Variants in AARS1 observed in about 807,000 individuals in gnomAD.
AARS1 encodes the protein alanyl-tRNA synthetase 1.
AARS1 carries 72 observed loss-of-function variants against 108.9 expected under a neutral mutation model. That is an observed-to-expected ratio of 0.66 (90% CI 0.55 to 0.80). The LOEUF is 0.80. AARS1 is among the 30% of genes least tolerant of loss of function. The pLI, the probability that AARS1 is intolerant of heterozygous loss-of-function variation, is 0.00. For synonymous variants in AARS1, 489 were observed against 465.7 expected (o/e 1.05, Z -0.64); for missense variants, 1,193 against 1,233.2 (o/e 0.97, Z 0.49).
At chr16:70,283,373 GCGACAGAGAGAGACTCCGTCTCA>G (rs1960754185) in intron 1 of AARS1, among the ~76,000 whole-genome samples, 1 of 151,540 alleles carries the variant, frequency 6.6e-6, no homozygotes, top group South Asian at 2.1e-4. Flanking sequence ...CTCCAGCCTG[GCGACAGAGAGAGACTCCGTCTCA>G]AAAAAACAAA....
intron 1 of AARS1, among the ~76,000 whole-genome samples, chr16:70,288,272 C>T (rs1272006944): frequency 1.3e-5 from 2 of 151,304 alleles, no homozygotes; most frequent in East Asian, 2.0e-4. Context: ...TCACCACGCC[C>T]GGCTATTTTT....
At position 70,262,996 on chromosome 16, in the gene AARS1, A is replaced by AAAAAAAC. The variant is rs1555540563; in HGVS notation, c.1493-473_1493-472insGTTTTTT. The stretch of plus-strand genomic sequence containing the variant: ...AAAAAAAAAAAAAAAAAAAAAAAAA[A>AAAAAAAC]AACAACAACAACAAAGGGCTTCGCA... On this transcript the variant is annotated intron_variant, in intron 11 of 20. Coordinates refer to ENST00000261772, the MANE Select transcript of AARS1 (RefSeq NM_001605.3). 1.5e-3 allele frequency among the ~76,000 whole-genome samples: 195 copies of AAAAAAAC among 129,056 alleles called. 1 individual carries two copies. The highest frequency in any genetic ancestry group is 2.1e-3 in the Non-Finnish European group (136 of 63,452). The allele number at this position is 129,056 out of a possible 152,430, so 84.7% of individuals were successfully genotyped here.
intron 1 of AARS1, among the ~76,000 whole-genome samples, chr16:70,288,623 A>G (rs1211865467): frequency 7.2e-6 from 1 of 139,648 alleles, no homozygotes; most frequent in Admixed American, 7.4e-5. Context: ...CTGGAGTGCA[A>G]TGGTGTGATC....
intron 1 of AARS1, among the ~76,000 whole-genome samples, chr16:70,288,364 C>A (rs1162850454): frequency 6.6e-6 from 1 of 151,846 alleles, no homozygotes; most frequent in Non-Finnish European, 1.5e-5. Context: ...CCACCTCGGC[C>A]TCCCCAAGTG....
At chr16:70,262,991 A>AAAAAAAC (rs1567604893) in intron 11 of AARS1, among the ~76,000 whole-genome samples, 1 of 145,444 alleles carries the variant, frequency 6.9e-6, no homozygotes, top group Non-Finnish European at 1.5e-5. Flanking sequence ...AAAAAAAAAA[A>AAAAAAAC]AAAAAAACAA....
rs759688388 is a variant in AARS1, at chr16:70,271,854, C to T, written c.598G>A (p.Ala200Thr). 5 of 1,613,770 alleles carry T rather than the reference C, an allele frequency of 3.1e-6. No homozygotes were observed. Among genetic ancestry groups the T allele is most frequent in the African/African-American group, 2.7e-5 (2 of 74,890 alleles). Reference sequence around the variant, plus strand: ...TCGTCCTGGTTGACAAGATGTGCGGCGTCCCGACCACCAATCCGGTCGTAG... The same window carrying T: ...TCGTCCTGGTTGACAAGATGTGCGGTGTCCCGACCACCAATCCGGTCGTAG... ...IHYDRIGGRD[A>T]AHLVNQDDPN... Residue 200 changes from alanine to threonine, a missense_variant, in exon 5 of 21, where the codon GCC becomes ACC. Coordinates refer to ENST00000261772, the MANE Select transcript of AARS1 (RefSeq NM_001605.3).
rs1597446097 is a variant in AARS1, at chr16:70,276,816, A to C, written c.333+150T>G. 8 of 1,140,604 alleles carry C rather than the reference A, an allele frequency of 7.0e-6. No individual in the cohort carries two copies. The East Asian group carries it at 2.0e-4, about 29-fold the overall frequency. 70.7% of individuals were successfully genotyped at this position (1,140,604 alleles called of 1,614,324 possible). On this transcript the variant is annotated intron_variant, in intron 3 of 20. Transcript: ENST00000261772. ...TCACCAAATTATAGGTACTACTTCC[A>C]GGAAGTCTTAGAATTAATAAATGCC... is the stretch of plus-strand genomic sequence containing the variant.
chr16:70,277,560 A>G (rs1332590044), intron 2 of AARS1, among the ~76,000 whole-genome samples: 1 of 152,212 alleles, frequency 6.6e-6, no homozygotes, highest in African/African-American at 2.4e-5. Flanking sequence ...AGAAGAAAAA[A>G]AAACTGACAC....
intron 13 of AARS1, 85 bp from the exon 14 acceptor site, chr16:70,259,271 T>A: frequency 7.2e-7 from 1 of 1,389,632 alleles, no homozygotes; most frequent in East Asian, 2.3e-5. Flanking sequence ...AGTGCTACAA[T>A]TTTTAGTTGG....
intron 4 of AARS1, among the ~76,000 whole-genome samples, chr16:70,274,292 G>GATCGCA (rs941488096): frequency 2.6e-5 from 4 of 151,372 alleles, no homozygotes; most frequent in African/African-American, 9.8e-5. Flanking sequence ...GGTGAGCCAA[G>GATCGCA]ATCGCACCAT....
At chr16:70,276,943 T>A (rs1368264372) in intron 3 of AARS1, 23 bp downstream of exon 3, 2 of 1,613,768 alleles carry the variant, frequency 1.2e-6, no homozygotes, top group Non-Finnish European at 1.7e-6. Context: ...AAAACCCTAG[T>A]GGTTCTTCTG....
At chr16:70,258,445 CTT>C (rs1305878578) in intron 14 of AARS1, among the ~76,000 whole-genome samples, 2 of 152,220 alleles carry the variant, frequency 1.3e-5, no homozygotes. Context: ...TGTGAACAGA[CTT>C]AACTAGAACA....
At chr16:70,253,133 C>G in intron 20 of AARS1, 135 bp downstream of exon 20, 3 of 893,528 alleles carry the variant, frequency 3.4e-6, no homozygotes, top group Middle Eastern at 4.3e-4. Flanking sequence ...AATAAGAAGG[C>G]CTGGGTAAGG....
At chr16:70,276,073 G>T (rs1960542547) in intron 4 of AARS1, 1 of 154,586 alleles carries the variant, frequency 6.5e-6, no homozygotes, top group Non-Finnish European at 1.4e-5. Flanking sequence ...AAGTTAGCTG[G>T]GCATGGTGGC....
intron 2 of AARS1, among the ~76,000 whole-genome samples, chr16:70,279,739 G>C (rs1324567021): frequency 1.3e-5 from 2 of 151,808 alleles, no homozygotes; most frequent in African/African-American, 2.4e-5. Context: ...CGGCTCATGT[G>C]GAAGGTGACA....
intron 5 of AARS1, among the ~76,000 whole-genome samples, chr16:70,270,558 G>C (rs1011571680): frequency 6.6e-6 from 1 of 152,062 alleles, no homozygotes; most frequent in African/African-American, 2.4e-5. Context: ...GTGAGGAAAG[G>C]CCAGGCGCAG....
At chr16:70,280,235 G>C (rs533869000) in intron 2 of AARS1, among the ~76,000 whole-genome samples, 70 of 152,004 alleles carry the variant, frequency 4.6e-4, no homozygotes, top group African/African-American at 1.6e-3. Flanking sequence ...TCTCTTTTTT[G>C]AGACGGAGTC....
intron 13 of AARS1, among the ~76,000 whole-genome samples, chr16:70,260,652 G>A (rs1011075978): frequency 4.6e-5 from 7 of 152,118 alleles, no homozygotes; most frequent in Admixed American, 2.0e-4. Flanking sequence ...ACTAGGGAGT[G>A]ATAACAGTGA....
At chr16:70,269,519 G>C (rs1035200879) in intron 7 of AARS1, 99 bp downstream of exon 7, 1 of 1,539,504 alleles carries the variant, frequency 6.5e-7, no homozygotes, top group African/African-American at 1.4e-5. Flanking sequence ...GGGCAACAGA[G>C]CAACACTCAA....
Sources: gnomAD v4.1 joint callset for allele counts (sites outside exome capture counted in the v4.1 genomes callset) on GRCh38, gnomAD v4.1.1 for gene constraint, MANE v1.5 for transcripts, NCBI Gene and HGNC (gene_info 2026-07-23, HGNC 2026-07-21) for gene names.